GPM6A: variants seen among roughly 807,000 people sequenced by gnomAD.
The protein encoded by GPM6A is neuronal membrane glycoprotein M6-a.
GPM6A carries 7 observed loss-of-function variants against 32.1 expected under a neutral mutation model. That is an observed-to-expected ratio of 0.22 (90% CI 0.12 to 0.41). The LOEUF (loss-of-function observed/expected upper bound fraction) is 0.41, where lower values mean the gene tolerates loss of function less well. Among genes scored for constraint, GPM6A ranks in the 10% least tolerant of loss-of-function variants. The pLI is 1.00. For missense variants in GPM6A, 235 were observed against 347.2 expected, an observed-to-expected ratio of 0.68 and a Z score of 2.57; for synonymous variants, 130 against 123.4, an observed-to-expected ratio of 1.05 and a Z score of -0.35.
intron 1 of GPM6A, among the ~76,000 whole-genome samples, chr4:175,853,593 A>G (rs1736328688): frequency 6.6e-6 from 1 of 151,838 alleles, no homozygotes; most frequent in African/African-American, 2.4e-5. Flanking sequence ...ACTCTTTACA[A>G]AGAATTAATA....
At chr4:175,795,095 G>A (rs1734165347) in intron 1 of GPM6A, among the ~76,000 whole-genome samples, 1 of 152,170 alleles carries the variant, frequency 6.6e-6, no homozygotes, top group Non-Finnish European at 1.5e-5. Flanking sequence ...TGAAGTGAAA[G>A]CATTTGATAA....
At chr4:175,803,230 A>G (rs569500730) in intron 1 of GPM6A, among the ~76,000 whole-genome samples, 17 of 151,894 alleles carry the variant, frequency 1.1e-4, no homozygotes, top group Non-Finnish European at 2.1e-4. Context: ...TTGTATTCAG[A>G]GCACTTTGCA....
chr4:175,866,005 C>T (rs1486934796), intron 1 of GPM6A, among the ~76,000 whole-genome samples: 1 of 152,074 alleles, frequency 6.6e-6, no homozygotes. Flanking sequence ...AGCTATAGTG[C>T]TATTACAATT....
chr4:175,886,722 AACACACACACACAC>A (rs34241399), intron 1 of GPM6A, among the ~76,000 whole-genome samples: 7 of 145,724 alleles, frequency 4.8e-5, no homozygotes, highest in African/African-American at 1.0e-4. Context: ...AAACTCAGTA[AACACACACACACAC>A]ACACACACAC....
In GPM6A at chr4:175,719,804, G is replaced by C. The variant is rs528970167; in HGVS notation, c.38-18037C>G. On this transcript the variant is annotated intron_variant, in intron 1 of 6. Coordinates refer to ENST00000393658, the MANE Select transcript of GPM6A (RefSeq NM_201591.3). ...ATCAGAGACTTTAAAAAGCTAAAAC[G>C]TATTTTTTAAATCAAAAGAATAATA... Among the ~76,000 whole-genome samples, 493 of 152,092 alleles carry C rather than the reference G, an allele frequency of 3.2e-3. 3 individuals carry two copies. The highest frequency in any genetic ancestry group is 0.012 in the African/African-American group (482 of 41,508).
At chr4:175,643,888 C>CCAGAAAACA (rs1195330298) in intron 4 of GPM6A, among the ~76,000 whole-genome samples, 3 of 152,052 alleles carry the variant, frequency 2.0e-5, no homozygotes, top group African/African-American at 7.2e-5. Context: ...GTGTGCAACT[C>CCAGAAAACA]CAGAAAACAC....
chr4:175,832,436 T>C (rs1003153018), intron 1 of GPM6A, among the ~76,000 whole-genome samples: 1 of 152,204 alleles, frequency 6.6e-6, no homozygotes, highest in Non-Finnish European at 1.5e-5. Flanking sequence ...CAATATGTTA[T>C]ATTTATTTAT....
At position 175,973,608 on chromosome 4, in the gene GPM6A, C is replaced by T. The variant is rs1740570668; in HGVS notation, c.-23+28701G>A. ...CAAACCACATCATGACTATCAATTG[C>T]AATTTTAAAAATTACTAAGCATTCT... On this transcript the variant is annotated intron_variant, in intron 1 of 7. Transcript: ENST00000280187. Among the ~76,000 whole-genome samples, 3 of 152,138 alleles carry T rather than the reference C, an allele frequency of 2.0e-5. No homozygotes were observed. In the South Asian group the frequency reaches 6.2e-4, roughly 32 times the overall value.
At chr4:175,637,199 ATG>A (rs1459100420) in intron 6 of GPM6A, among the ~76,000 whole-genome samples, 2 of 103,626 alleles carry the variant, frequency 1.9e-5, no homozygotes, top group Non-Finnish European at 3.7e-5. Flanking sequence ...CATATATTAT[ATG>A]TGACATAATA....
intron 1 of GPM6A, among the ~76,000 whole-genome samples, chr4:175,706,770 T>A (rs1393642049): frequency 1.3e-5 from 2 of 152,138 alleles, no homozygotes; most frequent in Middle Eastern, 3.2e-3. Context: ...TTAGGTATTC[T>A]AAGTCACAGG....
At chr4:175,745,675 T>C (rs1732074283) in intron 1 of GPM6A, among the ~76,000 whole-genome samples, 1 of 152,122 alleles carries the variant, frequency 6.6e-6, no homozygotes, top group Non-Finnish European at 1.5e-5. Context: ...ATCACTCAAC[T>C]ATGGAAAGAT....
chr4:175,774,033 A>G (rs1733295285), intron 1 of GPM6A, among the ~76,000 whole-genome samples: 1 of 152,144 alleles, frequency 6.6e-6, no homozygotes, highest in African/African-American at 2.4e-5. Context: ...AAGTTTTTTT[A>G]CCCAAGACAG....
At chr4:175,916,256 T>C (rs539473800) in intron 1 of GPM6A, among the ~76,000 whole-genome samples, 1 of 152,304 alleles carries the variant, frequency 6.6e-6, no homozygotes, top group East Asian at 1.9e-4. Context: ...AGCTTGGGTT[T>C]AAGAATACCA....
chr4:175,891,490 TCC>T (rs1737646873), intron 1 of GPM6A: 1 of 152,238 alleles, frequency 6.6e-6, no homozygotes, highest in Non-Finnish European at 1.5e-5. Flanking sequence ...CTGTAATAAA[TCC>T]TTTCTAACAC....
intron 4 of GPM6A, among the ~76,000 whole-genome samples, 159 bp downstream of exon 4, chr4:175,651,675 A>T (rs1240567233): frequency 6.6e-6 from 1 of 152,186 alleles, no homozygotes; most frequent in East Asian, 1.9e-4. Flanking sequence ...CTTTAAATTT[A>T]AAGGGAATAG....
At chr4:175,750,900 C>T (rs368372505) in intron 1 of GPM6A, among the ~76,000 whole-genome samples, 52 of 152,070 alleles carry the variant, frequency 3.4e-4, no homozygotes, top group African/African-American at 9.4e-4. Context: ...CTAACTAAAG[C>T]TTTTAAAATA....
At chr4:175,765,530 A>T (rs1387885552) in intron 1 of GPM6A, among the ~76,000 whole-genome samples, 1 of 152,196 alleles carries the variant, frequency 6.6e-6, no homozygotes, top group Admixed American at 6.5e-5. Context: ...TTGTTTTGAC[A>T]ACATTACAAG....
intron 6 of GPM6A, among the ~76,000 whole-genome samples, chr4:175,636,105 G>T (rs941764861): frequency 1.3e-5 from 2 of 151,594 alleles, no homozygotes; most frequent in South Asian, 4.2e-4. Context: ...TAGGGGAAAA[G>T]ATGCATACCA....
At chr4:175,704,429 G>A (rs891265113) in intron 1 of GPM6A, among the ~76,000 whole-genome samples, 1 of 152,108 alleles carries the variant, frequency 6.6e-6, no homozygotes, top group Admixed American at 6.5e-5. Context: ...GTAATAGGAA[G>A]AGATTTCACC....
Sources: allele counts gnomAD v4.1 joint callset (sites outside exome capture counted in the v4.1 genomes callset), GRCh38; gene constraint gnomAD v4.1.1; transcripts MANE v1.5; gene names NCBI Gene and HGNC (gene_info 2026-07-23, HGNC 2026-07-21).